The following PCDHA13 variants were observed in gnomAD, a reference collection of about 807,000 sequenced individuals.
PCDHA13 encodes protocadherin alpha-13.
Under a neutral mutation model 64.8 loss-of-function variants are expected in PCDHA13, and 54 were observed. That is an observed-to-expected ratio of 0.83 (90% CI 0.67 to 1.04). The LOEUF (loss-of-function observed/expected upper bound fraction) is 1.04, where lower values mean the gene tolerates loss of function less well. Ranked by LOEUF, PCDHA13 falls within the 50% of genes least tolerant of loss-of-function variation. The pLI, the probability that PCDHA13 is intolerant of heterozygous loss-of-function variation, is 0.00. For missense variants in PCDHA13, 1,248 were observed against 1,254.3 expected, an observed-to-expected ratio of 0.99 and a Z score of 0.08; for synonymous variants, 587 against 564.4, an observed-to-expected ratio of 1.04 and a Z score of -0.57.
At chr5:140,982,380 C>A in intron 2 of PCDHA13, 95 bp from the exon 3 acceptor site, 1 of 1,577,206 alleles carries the variant, frequency 6.3e-7, no homozygotes, top group South Asian at 1.2e-5. Context: ...AGCTGCAGCC[C>A]TGGCTTCATA....
At position 140,883,227 on chromosome 5, in the gene PCDHA13, T is replaced by C. The variant is rs1367769120; in HGVS notation, c.959T>C (p.Val320Ala). 2 of 1,613,830 alleles carry C rather than the reference T, an allele frequency of 1.2e-6. No individual in the cohort carries two copies. The highest frequency in any genetic ancestry group is 2.7e-5 in the African/African-American group (2 of 74,826). Residue 320 changes from valine (V) to alanine (A), a missense_variant, in exon 1 of 4, where the codon GTG becomes GCG. Transcript: ENST00000289272. Reference sequence around the variant, plus strand: ...GAAAAGAAATTATATGAAATATCCGTGGAGGCAGTTGACAAAGGAAATATT... The same window carrying C: ...GAAAAGAAATTATATGAAATATCCGCGGAGGCAGTTGACAAAGGAAATATT... ...FEEKKLYEISVEAVDKGNIPM... is the reference protein window; with the variant it reads ...FEEKKLYEISAEAVDKGNIPM...
intron 1 of PCDHA13, chr5:140,927,030 A>T: frequency 6.2e-7 from 1 of 1,612,410 alleles, no homozygotes; most frequent in Non-Finnish European, 8.5e-7. Flanking sequence ...TGAGGCTGCC[A>T]GCGGCCGCTA....
chr5:140,922,722 T>C (rs2153565730), intron 1 of PCDHA13, among the ~76,000 whole-genome samples: 1 of 151,972 alleles, frequency 6.6e-6, no homozygotes, highest in Non-Finnish European at 1.5e-5. Context: ...AAAGAAACAC[T>C]TGACAAGGTT....
intron 3 of PCDHA13, among the ~76,000 whole-genome samples, chr5:141,008,010 T>C (rs2098356270): frequency 6.6e-6 from 1 of 152,214 alleles, no homozygotes; most frequent in African/African-American, 2.4e-5. Context: ...TAAACTTCTG[T>C]TTCCTTTTTT....
At chr5:140,986,458 A>G (rs1199378141) in intron 3 of PCDHA13, among the ~76,000 whole-genome samples, 1 of 152,166 alleles carries the variant, frequency 6.6e-6, no homozygotes, top group Admixed American at 6.5e-5. Flanking sequence ...GTTTTAATGA[A>G]TGCCCTCTTG....
At chr5:141,001,822 TGACAGAGAGGGA>T (rs541215764) in intron 3 of PCDHA13, among the ~76,000 whole-genome samples, 203 of 152,310 alleles carry the variant, frequency 1.3e-3, no homozygotes, top group African/African-American at 4.5e-3. Context: ...GGCCAAATTC[TGACAGAGAGGGA>T]GACAGAGAGA....
intron 1 of PCDHA13, chr5:140,927,814 G>T: frequency 6.2e-7 from 1 of 1,614,172 alleles, no homozygotes; most frequent in Non-Finnish European, 8.5e-7. Flanking sequence ...GCTCTTGGAG[G>T]CATACATTGA....
chr5:140,918,321 T>C (rs1175303192), intron 1 of PCDHA13, among the ~76,000 whole-genome samples: 2 of 152,054 alleles, frequency 1.3e-5, no homozygotes, highest in Non-Finnish European at 2.9e-5. Flanking sequence ...GGTATAAAAT[T>C]ATATTGTCTG....
At chr5:140,947,302 C>G (rs1390442873) in intron 1 of PCDHA13, among the ~76,000 whole-genome samples, 2 of 151,504 alleles carry the variant, frequency 1.3e-5, no homozygotes, top group Non-Finnish European at 3.0e-5. Flanking sequence ...ATCTTGACAT[C>G]TTTGTAAAAA....
chr5:140,992,822 T>G (rs560336634), intron 3 of PCDHA13, among the ~76,000 whole-genome samples: 6 of 152,240 alleles, frequency 3.9e-5, no homozygotes, highest in Admixed American at 3.3e-4. Flanking sequence ...GATGTGTTTG[T>G]TTTTTGGGAA....
In PCDHA13 at chr5:140,882,570, A is replaced by G. The variant is rs1562776435; in HGVS notation, c.302A>G (p.Glu101Gly). The G allele has an allele frequency of 6.2e-7, 1 of 1,614,240 alleles. No homozygotes were observed. The change falls in exon 1 of 4, where the codon GAG becomes GGG. Residue 101 changes from glutamate (E) to glycine (G), a missense_variant. By Grantham distance (98) the Glu-to-Gly change is moderately conservative. Coordinates refer to ENST00000289272, the MANE Select transcript of PCDHA13 (RefSeq NM_018904.3). ...DREELCGRSA[E>G]CSIHLEVIVD... ...GAGGAGCTGTGTGGGCGGAGCGCGGAGTGCAGCATCCACCTGGAGGTGATC... is the reference window on the plus strand; with the variant it reads ...GAGGAGCTGTGTGGGCGGAGCGCGGGGTGCAGCATCCACCTGGAGGTGATC...
At chr5:140,947,998 T>C (rs2094201986) in intron 1 of PCDHA13, among the ~76,000 whole-genome samples, 1 of 122,112 alleles carries the variant, frequency 8.2e-6, no homozygotes, top group Admixed American at 8.2e-5. Flanking sequence ...AAATACTTTA[T>C]TAAATTTAGG....
chr5:140,892,384 A>T (rs1313796499), intron 1 of PCDHA13, among the ~76,000 whole-genome samples: 1 of 152,162 alleles, frequency 6.6e-6, no homozygotes, highest in Non-Finnish European at 1.5e-5. Flanking sequence ...AATCATGGGT[A>T]ATCTTAATCT....
chr5:140,908,308 G>A (rs1011025623), intron 1 of PCDHA13, among the ~76,000 whole-genome samples: 19 of 152,170 alleles, frequency 1.2e-4, no homozygotes, highest in African/African-American at 4.6e-4. Context: ...AAGGAAGGGC[G>A]GCAGGAGTGG....
intron 1 of PCDHA13, among the ~76,000 whole-genome samples, chr5:140,960,750 A>C (rs1367583531): frequency 6.6e-6 from 1 of 152,048 alleles, no homozygotes; most frequent in African/African-American, 2.4e-5. Context: ...CATGGCTAAA[A>C]TCCCAAGAGT....
Position 140,967,464 on chromosome 5 carries a change from G to A in PCDHA13, c.2395-11485G>A, listed in dbSNP as rs781900904. The A allele has an allele frequency of 1.9e-6, 3 of 1,613,386 alleles. No individual in the cohort carries two copies. In the East Asian group the frequency reaches 6.7e-5, roughly 36 times the overall value. ...CTGGTTCTCACAGCCGTGGATGGGG[G>A]CATCCCAGCCCGCTCGGGTACGGCA... On this transcript the variant is annotated intron_variant, in intron 1 of 3. Coordinates refer to ENST00000289272, the MANE Select transcript of PCDHA13 (RefSeq NM_018904.3).
In PCDHA13 at chr5:140,883,827, T is replaced by G; in HGVS notation, c.1559T>G (p.Leu520Arg). ...GCGGAGAGCGGCAAGGTGTACGCGC[T>G]GCAGCCGTTGGACCACGAGGAGCTG... ...VHAESGKVYA[L>R]QPLDHEELEL... is the part of the protein sequence containing the mutation. The change falls in exon 1 of 4, where the codon CTG becomes CGG. Residue 520 changes from leucine to arginine, a missense_variant. Leu to Arg is a moderately radical substitution (Grantham distance 102). Transcript: ENST00000289272. The G allele has an allele frequency of 6.2e-7, 1 of 1,612,546 alleles. No individual in the cohort carries two copies. Among genetic ancestry groups the G allele is most frequent in the South Asian group, 1.1e-5 (1 of 91,022 alleles).
At chr5:140,927,051 G>C (rs1554203978) in intron 1 of PCDHA13, 1 of 1,611,998 alleles carries the variant, frequency 6.2e-7, no homozygotes, top group Non-Finnish European at 8.5e-7. Flanking sequence ...TGTCCTCGCG[G>C]AACTTTCGCT....
chr5:140,918,660 A>G (rs1490487097), intron 1 of PCDHA13, among the ~76,000 whole-genome samples: 1 of 152,200 alleles, frequency 6.6e-6, no homozygotes, highest in Non-Finnish European at 1.5e-5. Context: ...TCTCATGTTG[A>G]TGGTATGAAG....
Sources: allele counts gnomAD v4.1 joint callset (sites outside exome capture counted in the v4.1 genomes callset), GRCh38; gene constraint gnomAD v4.1.1; transcripts MANE v1.5; gene names NCBI Gene and HGNC (gene_info 2026-07-23, HGNC 2026-07-21).